The following NSUN7 variants were observed in gnomAD, a reference collection of about 807,000 sequenced individuals.
NSUN7 encodes the protein NOP2/Sun RNA methyltransferase family member 7, also known as protein NSUN7.
NSUN7 carries 39 observed loss-of-function variants against 58.5 expected under a neutral mutation model. That is an observed-to-expected ratio of 0.67 (90% CI 0.52 to 0.87). NSUN7 has a LOEUF of 0.87. Among genes scored for constraint, NSUN7 ranks in the 40% least tolerant of loss-of-function variants. The probability of loss-of-function intolerance (pLI) is 0.00; values close to 1 mark genes in which losing one functional copy is unlikely to be tolerated. For missense variants in NSUN7, 765 were observed against 844.1 expected (o/e 0.91, Z 1.16); for synonymous variants, 278 against 303.7 (o/e 0.92, Z 0.88).
At chr4:40,777,183 T>C (rs1294968688) in intron 7 of NSUN7, among the ~76,000 whole-genome samples, 2 of 152,242 alleles carry the variant, frequency 1.3e-5, no homozygotes, top group East Asian at 1.9e-4. Context: ...CCCATTCCAG[T>C]CATCTTAATT....
intron 2 of NSUN7, among the ~76,000 whole-genome samples, chr4:40,755,279 CG>C: frequency 6.6e-6 from 1 of 152,206 alleles, no homozygotes. Flanking sequence ...TTAGTAGAGA[CG>C]GGGTTTCACC....
chr4:40,791,280 T>C (rs1403409687), intron 8 of NSUN7, among the ~76,000 whole-genome samples: 3 of 152,216 alleles, frequency 2.0e-5, no homozygotes, highest in Non-Finnish European at 4.4e-5. Flanking sequence ...TATAGAAGCA[T>C]TGACATTTAA....
chr4:40,785,998 T>C, intron 7 of NSUN7: 3 of 1,381,356 alleles, frequency 2.2e-6, no homozygotes, highest in Non-Finnish European at 2.9e-6. Context: ...AGACGCTGAG[T>C]GAAGAAGAGG....
intron 7 of NSUN7, among the ~76,000 whole-genome samples, chr4:40,779,463 G>A (rs931527760): frequency 6.6e-6 from 1 of 152,124 alleles, no homozygotes; most frequent in African/African-American, 2.4e-5. Context: ...AATTAGCCGG[G>A]TGTGATGGCA....
intron 4 of NSUN7, chr4:40,762,705 C>T (rs1577547201): frequency 6.6e-6 from 1 of 152,150 alleles, no homozygotes; most frequent in Non-Finnish European, 1.5e-5. Context: ...CAGCACAGCA[C>T]GAGGTGAGCA....
intron 4 of NSUN7, among the ~76,000 whole-genome samples, chr4:40,773,888 T>C (rs1742132783): frequency 6.6e-6 from 1 of 152,060 alleles, no homozygotes; most frequent in Non-Finnish European, 1.5e-5. Context: ...AACCTCCGCC[T>C]CCTGGGTTCA....
intron 4 of NSUN7, among the ~76,000 whole-genome samples, chr4:40,768,790 TA>T (rs1741859196): frequency 6.6e-6 from 1 of 152,122 alleles, no homozygotes; most frequent in South Asian, 2.1e-4. Flanking sequence ...GTGACCAGGT[TA>T]AAAAAAGAGA....
chr4:40,763,886 C>A (rs934786757), intron 4 of NSUN7, among the ~76,000 whole-genome samples: 1 of 152,056 alleles, frequency 6.6e-6, no homozygotes, highest in Non-Finnish European at 1.5e-5. Context: ...GAATCTTATT[C>A]CTAATCAGTC....
At chr4:40,762,033 A>G (rs910320823) in intron 4 of NSUN7, among the ~76,000 whole-genome samples, 3 of 152,204 alleles carry the variant, frequency 2.0e-5, no homozygotes, top group African/African-American at 7.2e-5. Context: ...TTTCACCCTC[A>G]TGAATAGATT....
chr4:40,794,544 A>C, intron 9 of NSUN7, 68 bp downstream of exon 9: 1 of 909,478 alleles, frequency 1.1e-6, no homozygotes, highest in Non-Finnish European at 1.7e-6. Flanking sequence ...GTCTTTCACG[A>C]TCTATTATAA....
rs1283284949 is a variant in NSUN7 at position 40,775,232 on chromosome 4, C to G, written c.825+282C>G. On this transcript the variant is annotated intron_variant, in intron 6 of 11. Coordinates refer to ENST00000381782, the MANE Select transcript of NSUN7 (RefSeq NM_024677.6). This position sits in a 1 kb window ranked among gnomAD's most constrained non-coding sequence, Gnocchi z 4.3. ...AGCTGTAAGGTTCTACTTTTCTCCC[C>G]TAAAGGAGAATTCAAGAGAAAGTAC... 1 of 182,314 alleles carries G rather than the reference C, an allele frequency of 5.5e-6. No homozygotes were observed. Among genetic ancestry groups the G allele is most frequent in the Non-Finnish European group, 1.1e-5 (1 of 88,712 alleles). The allele number at this position is 182,314 out of a possible 1,614,324, so 11.3% of individuals were successfully genotyped here. A position where few individuals can be genotyped will look rare whatever the true frequency, so the allele number is the denominator to read the frequency against.
chr4:40,781,477 C>T (rs1202726563), intron 7 of NSUN7, among the ~76,000 whole-genome samples: 1 of 152,226 alleles, frequency 6.6e-6, no homozygotes, highest in African/African-American at 2.4e-5. Context: ...GACGGGGTCT[C>T]GCTCTGTCAC....
Position 40,760,641 on chromosome 4 carries a change from T to A in NSUN7, c.357+149T>A, listed in dbSNP as rs538882367. 1.3e-4 allele frequency: 72 copies of A among 569,660 alleles called. No homozygotes were observed. The Middle Eastern group carries it at 2.0e-3, about 16-fold the overall frequency. The allele number at this position is 569,660 out of a possible 1,614,324, so 35.3% of individuals were successfully genotyped here. On this transcript the variant is annotated intron_variant, in intron 3 of 11. Coordinates refer to ENST00000381782, the MANE Select transcript of NSUN7 (RefSeq NM_024677.6). ...ACTTTGGGAGGCCAAGGCGGGCGGA[T>A]CATCTGAGGTCGGGAGTTCGAGACC...
intron 2 of NSUN7, among the ~76,000 whole-genome samples, chr4:40,754,456 T>G (rs1306342779): frequency 3.9e-5 from 6 of 152,216 alleles, no homozygotes; most frequent in African/African-American, 1.4e-4. Flanking sequence ...CCATCTGCTA[T>G]TTTACTTTTA....
chr4:40,750,879 G>C lies in NSUN7; in HGVS notation c.186G>C (p.Ser62=). The change falls in exon 2 of 12, where the codon TCG becomes TCC. Residue 62 remains serine, a synonymous_variant. Coordinates refer to ENST00000381782, the MANE Select transcript of NSUN7 (RefSeq NM_024677.6). ...NIFQGIRIEK[S]AQKVLIKYGN... ...TTCAGGGTATTCGAATCGAAAAGTCGGCACAGAAAGTCTTAATCAAGTATG... is the reference window on the plus strand; with the variant it reads ...TTCAGGGTATTCGAATCGAAAAGTCCGCACAGAAAGTCTTAATCAAGTATG... 5.6e-6 allele frequency: 9 copies of C among 1,614,160 alleles called. No individual in the cohort carries two copies. Among genetic ancestry groups the C allele is most frequent in the Non-Finnish European group, 7.6e-6 (9 of 1,180,038 alleles).
chr4:40,784,547 G>A (rs1742720160), intron 7 of NSUN7, among the ~76,000 whole-genome samples: 1 of 152,224 alleles, frequency 6.6e-6, no homozygotes, highest in African/African-American at 2.4e-5. Context: ...CATTTTGGGG[G>A]AAGAGGACAA....
intron 10 of NSUN7, among the ~76,000 whole-genome samples, chr4:40,805,629 CCT>C (rs1743780247): frequency 6.6e-6 from 1 of 152,252 alleles, no homozygotes; most frequent in East Asian, 1.9e-4. Context: ...GAAAGAAATT[CCT>C]CCAAACTTGG....
chr4:40,770,715 A>G (rs1364492308), intron 4 of NSUN7, among the ~76,000 whole-genome samples: 2 of 152,244 alleles, frequency 1.3e-5, no homozygotes, highest in Non-Finnish European at 2.9e-5. Context: ...AGCCAAAAGA[A>G]GTAGTAAAAA....
chr4:40,772,305 TTAA>T (rs1318293850), intron 4 of NSUN7, among the ~76,000 whole-genome samples: 2 of 152,186 alleles, frequency 1.3e-5, no homozygotes, highest in Non-Finnish European at 2.9e-5. Flanking sequence ...GCAAGTATTG[TTAA>T]TAAAAAATAG....
Sources: allele counts gnomAD v4.1 joint callset (sites outside exome capture counted in the v4.1 genomes callset), GRCh38; gene constraint gnomAD v4.1.1; non-coding constraint Gnocchi (gnomAD v3.1); transcripts MANE v1.5; gene names NCBI Gene and HGNC (gene_info 2026-07-23, HGNC 2026-07-21).